The following GK variants were observed in gnomAD, a reference collection of about 807,000 sequenced individuals.
GK encodes the protein ATP:glycerol 3-phosphotransferase.
GK carries 9 observed loss-of-function variants against 56.4 expected under a neutral mutation model. The observed-to-expected ratio is 0.16, with a 90% CI of 0.10 to 0.28. The LOEUF (loss-of-function observed/expected upper bound fraction) is 0.28, where lower values mean the gene tolerates loss of function less well. Ranked by LOEUF, GK falls within the 10% of genes least tolerant of loss-of-function variation. The probability of loss-of-function intolerance (pLI) is 1.00; values close to 1 mark genes in which losing one functional copy is unlikely to be tolerated. For synonymous variants in GK, 104 were observed against 144.1 expected (o/e 0.72, Z 1.99); for missense variants, 161 against 431.4 (o/e 0.37, Z 5.55).
chrX:30,694,911 T>A (rs1935168487), intron 6 of GK, among the ~76,000 whole-genome samples: 1 of 112,139 alleles, frequency 8.9e-6, no homozygotes, highest in Non-Finnish European at 1.9e-5. Flanking sequence ...TACTTTTATC[T>A]TTTGCTTTCA....
chrX:30,715,649 T>C (rs1357056577), intron 13 of GK, among the ~76,000 whole-genome samples: 1 of 112,310 alleles, frequency 8.9e-6, no homozygotes, highest in African/African-American at 3.2e-5. Context: ...TATACTCTTT[T>C]CCTGTCCAGC....
intron 1 of GK, among the ~76,000 whole-genome samples, chrX:30,654,647 C>T (rs1176217353): frequency 9.0e-6 from 1 of 110,723 alleles, no homozygotes; most frequent in Non-Finnish European, 1.9e-5. Context: ...CACTTGGACC[C>T]GGGAGGCGGA....
chrX:30,699,122 C>T (rs188854170), intron 9 of GK, among the ~76,000 whole-genome samples: 2 of 103,360 alleles, frequency 1.9e-5, no homozygotes, highest in Non-Finnish European at 3.9e-5. Context: ...GGAGTCAGGT[C>T]CAAAGCTTTA....
chrX:30,687,584 G>C, intron 4 of GK: 1 of 341,869 alleles, frequency 2.9e-6, no homozygotes, highest in Non-Finnish European at 5.9e-6. Flanking sequence ...GTTCCCTCTG[G>C]CTCTTCAGTT....
chrX:30,663,607 T>C (rs1484009072), intron 1 of GK, among the ~76,000 whole-genome samples: 2 of 111,056 alleles, frequency 1.8e-5, no homozygotes, highest in Non-Finnish European at 3.8e-5. Flanking sequence ...TCAAAGGACT[T>C]CAGAATTTGC....
rs1331865037 is a variant in GK, at chrX:30,729,727, T to C, written c.*985T>C. On this transcript the variant is annotated 3_prime_UTR_variant, in exon 21 of 21. Coordinates refer to ENST00000427190, the MANE Select transcript of GK (RefSeq NM_001205019.2). ...ACTTTATTGTGACTTCAACTATATT[T>C]CTTATCCCTTACATTTTTATTTAAT... 8.8e-6 allele frequency: 1 copy of C among 113,780 alleles called. No individual in the cohort carries two copies. The highest frequency in any genetic ancestry group is 1.9e-5 in the Non-Finnish European group (1 of 53,449). 9.4% of individuals were successfully genotyped at this position (113,780 alleles called of 1,213,427 possible).
At chrX:30,710,827 A>G (rs1936281441) in intron 13 of GK, among the ~76,000 whole-genome samples, 1 of 110,950 alleles carries the variant, frequency 9.0e-6, no homozygotes, top group Admixed American at 9.6e-5. Context: ...CAGATTTTTA[A>G]GATATTGTTT....
At chrX:30,713,229 C>T (rs948160177) in intron 13 of GK, among the ~76,000 whole-genome samples, 4 of 111,371 alleles carry the variant, frequency 3.6e-5, no homozygotes, top group Non-Finnish European at 7.5e-5. Context: ...CTGTCTTGCG[C>T]AAAACATTTT....
intron 1 of GK, among the ~76,000 whole-genome samples, chrX:30,658,092 C>A (rs1932433935): frequency 9.0e-6 from 1 of 111,459 alleles, no homozygotes; most frequent in Admixed American, 9.5e-5. Flanking sequence ...TAGCTCAGTG[C>A]TTGTTTTGGC....
intron 19 of GK, 111 bp from the exon 20 acceptor site, chrX:30,727,355 T>G: frequency 2.0e-6 from 1 of 508,125 alleles, no homozygotes; most frequent in Non-Finnish European, 3.5e-6. Flanking sequence ...TATACTATTT[T>G]TATAGCTTAT....
At chrX:30,678,695 G>GT (rs1299369559) in intron 4 of GK, among the ~76,000 whole-genome samples, 6,235 of 66,904 alleles carry the variant, frequency 0.093, 217 homozygotes, top group Middle Eastern at 0.11. Flanking sequence ...TCTTTCCTCT[G>GT]TTTTTTTTTT....
At chrX:30,667,064 G>A (rs1471103418) in intron 2 of GK, among the ~76,000 whole-genome samples, 1 of 111,148 alleles carries the variant, frequency 9.0e-6, no homozygotes, top group African/African-American at 3.3e-5. Flanking sequence ...TGAGGCAGGA[G>A]AATGGCGTGA....
intron 2 of GK, among the ~76,000 whole-genome samples, chrX:30,666,944 G>C (rs926341281): frequency 3.6e-5 from 4 of 111,135 alleles, no homozygotes; most frequent in African/African-American, 1.3e-4. Context: ...CATGAGGTCA[G>C]GAGATCGAGA....
rs944097217 is a variant in GK, at chrX:30,682,146, G to GA, written c.337+4700dup. On this transcript the variant is annotated intron_variant, in intron 4 of 20. Coordinates refer to ENST00000427190, the MANE Select transcript of GK (RefSeq NM_001205019.2). ...ATATTTAGGGGGTACCAACCTGAGA[G>GA]AAAAAATGGCCTTGTTTTCGACAAA... Among the ~76,000 whole-genome samples the GA allele has an allele frequency of 6.3e-5, 7 of 111,652 alleles. No individual in the cohort carries two copies. In the South Asian group the frequency reaches 2.6e-3, roughly 41 times the overall value.
chrX:30,703,516 T>C (rs1170372796), intron 11 of GK, among the ~76,000 whole-genome samples: 1 of 111,113 alleles, frequency 9.0e-6, no homozygotes, highest in Non-Finnish European at 1.9e-5. Context: ...GGGAAGTAGG[T>C]ATGTCATCTA....
chrX:30,666,655 G>A (rs1364112903), intron 2 of GK, among the ~76,000 whole-genome samples: 3 of 111,806 alleles, frequency 2.7e-5, no homozygotes, highest in Non-Finnish European at 5.6e-5. Context: ...AAATTGATGT[G>A]TTTCTAAATT....
At chrX:30,677,834 A>AG (rs1230398545) in intron 4 of GK, among the ~76,000 whole-genome samples, 16 of 109,613 alleles carry the variant, frequency 1.5e-4, no homozygotes, top group Admixed American at 9.8e-5. Context: ...CAAAAAAAAA[A>AG]AAAGAAAGAA....
intron 3 of GK, among the ~76,000 whole-genome samples, chrX:30,673,577 TG>T (rs938359322): frequency 1.8e-5 from 2 of 111,689 alleles, no homozygotes; most frequent in Non-Finnish European, 3.8e-5. Context: ...AAGACATGTT[TG>T]TGGCTGGCAG....
intron 1 of GK, among the ~76,000 whole-genome samples, chrX:30,659,051 A>G (rs753772943): frequency 1.3e-4 from 15 of 112,209 alleles, no homozygotes; most frequent in Non-Finnish European, 1.7e-4. Context: ...TTTTTGAGAC[A>G]GAGTTTCACT....
Sources: allele counts gnomAD v4.1 joint callset (sites outside exome capture counted in the v4.1 genomes callset), GRCh38; gene constraint gnomAD v4.1.1; transcripts MANE v1.5; gene names NCBI Gene and HGNC (gene_info 2026-07-23, HGNC 2026-07-21).